Variants in FRMD4A observed in about 807,000 individuals in gnomAD.
The protein encoded by FRMD4A is FERM domain-containing protein 4A.
In FRMD4A, 29 loss-of-function variants were observed where a neutral mutation model predicts 129.1. That is an observed-to-expected ratio of 0.22 (90% CI 0.17 to 0.31). The LOEUF (loss-of-function observed/expected upper bound fraction) is 0.31. Ranked by LOEUF, FRMD4A falls within the 10% of genes least tolerant of loss-of-function variation. The pLI, the probability that FRMD4A is intolerant of heterozygous loss-of-function variation, is 1.00. For missense variants in FRMD4A, 1,272 were observed against 1,375.8 expected, an observed-to-expected ratio of 0.92 and a Z score of 1.19; for synonymous variants, 634 against 571.6, an observed-to-expected ratio of 1.11 and a Z score of -1.56.
intron 2 of FRMD4A, among the ~76,000 whole-genome samples, chr10:13,862,596 T>C (rs565268251): frequency 6.6e-6 from 1 of 152,350 alleles, no homozygotes; most frequent in Non-Finnish European, 1.5e-5. Context: ...CTCCGTATTT[T>C]AATGCCTCCC....
chr10:14,257,387 C>T (rs1270620128), intron 2 of FRMD4A, among the ~76,000 whole-genome samples: 2 of 152,092 alleles, frequency 1.3e-5, no homozygotes, highest in African/African-American at 2.4e-5. Flanking sequence ...ATAAACTGAT[C>T]TCAGTATGAA....
intron 2 of FRMD4A, among the ~76,000 whole-genome samples, chr10:14,009,962 G>A (rs774461424): frequency 6.6e-6 from 1 of 152,132 alleles, no homozygotes; most frequent in Non-Finnish European, 1.5e-5. Flanking sequence ...AATCTGGAAC[G>A]ATACCCGATG....
chr10:14,006,632 C>G (rs748850983), intron 2 of FRMD4A, among the ~76,000 whole-genome samples: 2 of 152,184 alleles, frequency 1.3e-5, no homozygotes, highest in Admixed American at 6.5e-5. Flanking sequence ...TCACACAGCC[C>G]TAAGGCACAC....
intron 15 of FRMD4A, chr10:13,684,894 G>A (rs2084936987): frequency 1.0e-6 from 1 of 982,916 alleles, no homozygotes; most frequent in African/African-American, 1.8e-5. Context: ...AAATGAAGAA[G>A]GCGGTATATT....
At chr10:13,742,371 C>T (rs1241316744) in intron 9 of FRMD4A, among the ~76,000 whole-genome samples, 1 of 152,194 alleles carries the variant, frequency 6.6e-6, no homozygotes, top group African/African-American at 2.4e-5. Flanking sequence ...GTCGACACCT[C>T]GGTCTCCCTG....
chr10:14,007,925 A>C lies in FRMD4A; in HGVS notation c.46-149013T>G. ...TTAAAAAACTAAAATTACAGATGAG[A>C]TAGTATTCTACAGTCCCAGGAACTC... On this transcript the variant is annotated intron_variant, in intron 2 of 24. Coordinates refer to ENST00000357447, the MANE Select transcript of FRMD4A (RefSeq NM_018027.5). The C allele has an allele frequency of 3.9e-6, 4 of 1,022,094 alleles. No homozygotes were observed. In the South Asian group the frequency reaches 8.1e-5, roughly 21 times the overall value. The allele number at this position is 1,022,094 out of a possible 1,614,324, so 63.3% of individuals were successfully genotyped here.
chr10:14,165,862 G>C (rs1056975278), intron 2 of FRMD4A, among the ~76,000 whole-genome samples: 2 of 152,192 alleles, frequency 1.3e-5, no homozygotes, highest in Non-Finnish European at 2.9e-5. Flanking sequence ...AAAGAGGGGA[G>C]GAAGAGGGTG....
At chr10:14,194,854 A>C (rs1285839488) in intron 2 of FRMD4A, among the ~76,000 whole-genome samples, 1 of 152,008 alleles carries the variant, frequency 6.6e-6, no homozygotes, top group African/African-American at 2.4e-5. Context: ...AATCATTATT[A>C]ATCTGTTAAT....
At chr10:13,760,202 A>T in intron 8 of FRMD4A, among the ~76,000 whole-genome samples, 1 of 151,550 alleles carries the variant, frequency 6.6e-6, no homozygotes, top group East Asian at 1.9e-4. Context: ...TGAAACAGAG[A>T]TCGTACTGCG....
chr10:13,745,173 G>A (rs1246711052), intron 9 of FRMD4A, among the ~76,000 whole-genome samples: 5 of 152,136 alleles, frequency 3.3e-5, no homozygotes, highest in Admixed American at 6.5e-5. Context: ...GTATATATAC[G>A]TGAAAAATAT....
In FRMD4A at chr10:13,953,342, A is replaced by G. The variant is rs781196294; in HGVS notation, c.46-94430T>C. Reference sequence around the variant, plus strand: ...ATGGCACGATGCCCCCAAGAAAGTGATAACTACATACCATAGTCCCCCATT... The same window carrying G: ...ATGGCACGATGCCCCCAAGAAAGTGGTAACTACATACCATAGTCCCCCATT... On this transcript the variant is annotated intron_variant, in intron 2 of 24. Transcript: ENST00000357447. 4.6e-5 allele frequency among the ~76,000 whole-genome samples: 7 copies of G among 152,186 alleles called. 1 individual carries two copies. The highest frequency in any genetic ancestry group is 2.0e-4 in the Admixed American group (3 of 15,270).
At chr10:13,739,700 A>G (rs1398967618) in intron 11 of FRMD4A, among the ~76,000 whole-genome samples, 1 of 152,210 alleles carries the variant, frequency 6.6e-6, no homozygotes, top group African/African-American at 2.4e-5. Context: ...GGTTGAAGCA[A>G]GTTAACTGGA....
intron 2 of FRMD4A, among the ~76,000 whole-genome samples, chr10:14,267,556 A>G (rs1056237528): frequency 7.2e-5 from 11 of 152,140 alleles, no homozygotes; most frequent in African/African-American, 2.7e-4. Context: ...TGGAATATCT[A>G]TTTTTATATA....
intron 8 of FRMD4A, among the ~76,000 whole-genome samples, chr10:13,757,757 A>G (rs1399900839): frequency 6.6e-6 from 1 of 151,884 alleles, no homozygotes; most frequent in Non-Finnish European, 1.5e-5. Context: ...TCTTTTTTTT[A>G]TTTGAGAGGG....
intron 2 of FRMD4A, among the ~76,000 whole-genome samples, chr10:14,113,720 C>T (rs987042636): frequency 2.0e-5 from 3 of 152,170 alleles, no homozygotes; most frequent in Non-Finnish European, 4.4e-5. Flanking sequence ...TTTAGTAACA[C>T]TCTAATTGGT....
chr10:14,135,520 G>A (rs537234296), intron 2 of FRMD4A, among the ~76,000 whole-genome samples: 10 of 152,306 alleles, frequency 6.6e-5, no homozygotes, highest in East Asian at 5.8e-4. Context: ...TCTGGGGGCT[G>A]CCTGATTCAC....
At chr10:14,245,525 C>CT (rs1338354019) in intron 2 of FRMD4A, among the ~76,000 whole-genome samples, 1 of 152,142 alleles carries the variant, frequency 6.6e-6, no homozygotes, top group African/African-American at 2.4e-5. Context: ...CCCTTACCCC[C>CT]CAAACTCATC....
intron 8 of FRMD4A, among the ~76,000 whole-genome samples, chr10:13,759,675 T>TA (rs1423661605): frequency 2.0e-5 from 3 of 152,148 alleles, no homozygotes; most frequent in Admixed American, 2.0e-4. Context: ...ATTAATGTCA[T>TA]AAAAAAGTGA....
intron 2 of FRMD4A, among the ~76,000 whole-genome samples, chr10:14,319,779 C>A (rs1362320801): frequency 1.3e-5 from 2 of 152,170 alleles, no homozygotes; most frequent in East Asian, 3.8e-4. Flanking sequence ...GGACCTAACC[C>A]AGCCTTTACC....
Sources: gnomAD v4.1 joint callset for allele counts (sites outside exome capture counted in the v4.1 genomes callset) on GRCh38, gnomAD v4.1.1 for gene constraint, MANE v1.5 for transcripts, NCBI Gene and HGNC (gene_info 2026-07-23, HGNC 2026-07-21) for gene names.